Variants in NADSYN1 observed in about 807,000 individuals in gnomAD.
NADSYN1 encodes the protein glutamine-dependent NAD(+) synthetase.
NADSYN1 carries 80 observed loss-of-function variants against 99.3 expected under a neutral mutation model. The observed-to-expected ratio is 0.81, with a 90% CI of 0.67 to 0.97. The LOEUF (loss-of-function observed/expected upper bound fraction) is 0.97. Ranked by LOEUF, NADSYN1 falls within the 50% of genes least tolerant of loss-of-function variation. NADSYN1 has a pLI of 0.00. For synonymous variants in NADSYN1, 385 were observed against 372.1 expected (o/e 1.03, Z -0.40); for missense variants, 859 against 948.5 (o/e 0.91, Z 1.24).
intron 20 of NADSYN1, chr11:71,499,072 T>G (rs1427908619): frequency 6.5e-6 from 1 of 153,602 alleles, no homozygotes. Flanking sequence ...CTTATTTCCC[T>G]TTAAGATGTT....
At chr11:71,457,805 C>T (rs1412551674) in intron 2 of NADSYN1, among the ~76,000 whole-genome samples, 1 of 152,198 alleles carries the variant, frequency 6.6e-6, no homozygotes, top group African/African-American at 2.4e-5. Flanking sequence ...TCTCCTTTCT[C>T]TTACAAGGAC....
chr11:71,483,086 C>T (rs1949720161), intron 14 of NADSYN1, 69 bp downstream of exon 14: 2 of 1,576,104 alleles, frequency 1.3e-6, no homozygotes, highest in African/African-American at 2.7e-5. Context: ...GAAGCTCCGC[C>T]TGTGAGTGCA....
intron 5 of NADSYN1, among the ~76,000 whole-genome samples, chr11:71,465,769 AT>A (rs1478630904): frequency 6.6e-6 from 1 of 152,052 alleles, no homozygotes; most frequent in Non-Finnish European, 1.5e-5. Flanking sequence ...TTAATATTAT[AT>A]TTTTAAGTGG....
At chr11:71,481,065 C>G in intron 11 of NADSYN1, 186 bp downstream of exon 11, 1 of 799,002 alleles carries the variant, frequency 1.3e-6, no homozygotes, top group Non-Finnish European at 1.9e-6. Context: ...GTGTGACCCC[C>G]AGCCCTGCTG....
chr11:71,491,213 C>T (rs921884181), intron 17 of NADSYN1, among the ~76,000 whole-genome samples: 1 of 152,266 alleles, frequency 6.6e-6, no homozygotes, highest in Non-Finnish European at 1.5e-5. Context: ...CCCCCGCCTG[C>T]CCTGCCTCCC....
chr11:71,457,509 G>A (rs573041397), intron 2 of NADSYN1, among the ~76,000 whole-genome samples: 4 of 152,224 alleles, frequency 2.6e-5, no homozygotes, highest in Non-Finnish European at 4.4e-5. Context: ...CCCAGCCTTC[G>A]CATTTAATGA....
intron 3 of NADSYN1, among the ~76,000 whole-genome samples, chr11:71,462,181 A>G (rs967535818): frequency 2.0e-5 from 3 of 152,114 alleles, no homozygotes; most frequent in Non-Finnish European, 4.4e-5. Flanking sequence ...GACAGGCCTC[A>G]TTTACCCTCC....
intron 16 of NADSYN1, among the ~76,000 whole-genome samples, chr11:71,488,272 G>A (rs1353459251): frequency 6.6e-6 from 1 of 152,092 alleles, no homozygotes; most frequent in African/African-American, 2.4e-5. Flanking sequence ...CAGATAACAT[G>A]TGTATTGTAG....
intron 3 of NADSYN1, among the ~76,000 whole-genome samples, chr11:71,460,479 T>A (rs1444547083): frequency 6.6e-6 from 1 of 152,178 alleles, no homozygotes; most frequent in African/African-American, 2.4e-5. Context: ...GCCTCCTGAG[T>A]ACCCGGGACT....
Position 71,472,499 on chromosome 11 carries a change from A to AG in NADSYN1, c.459+1dup. The AG allele has an allele frequency of 1.2e-6, 2 of 1,613,596 alleles. No homozygotes were observed. Among genetic ancestry groups the AG allele is most frequent in the Non-Finnish European group, 1.7e-6 (2 of 1,179,476 alleles). On this transcript the variant is annotated frameshift_variant and splice_region_variant, in exon 6 of 21. Transcript: ENST00000319023. LOFTEE classifies it high-confidence loss of function. ...CGGATGATACAGGACCTGACAAAGCAGGTGAGTCCCTGGGTGTGGAGCCCG... is the reference window on the plus strand; with the variant it reads ...CGGATGATACAGGACCTGACAAAGCAGGGTGAGTCCCTGGGTGTGGAGCCCG...
chr11:71,480,445 A>AT (rs1388394844), intron 10 of NADSYN1, among the ~76,000 whole-genome samples: 4 of 152,146 alleles, frequency 2.6e-5, no homozygotes, highest in Admixed American at 2.6e-4. Flanking sequence ...AAGTGCTGGG[A>AT]TTACAGGTGT....
rs35588716 is a variant in NADSYN1, at chr11:71,458,537, G to A, written c.256G>A (p.Val86Met). Residue 86 changes from valine to methionine, a missense_variant, in exon 3 of 21, where the codon GTG becomes ATG. By Grantham distance (21) the Val-to-Met change is conservative. Coordinates refer to ENST00000319023, the MANE Select transcript of NADSYN1 (RefSeq NM_018161.5). ...CGTCACTCAGGACATCATCTGCGAC[G>A]TGGGGATGTAAGTGCCAGTGTGAGT... is the stretch of plus-strand genomic sequence containing the variant. ...SPVTQDIICD[V>M]GMPVMHRNVR... The A allele has an allele frequency of 7.8e-4, 1,256 of 1,605,170 alleles. 6 individuals are homozygous for A. In the African/African-American group the frequency reaches 0.015, roughly 19 times the overall value.
intron 2 of NADSYN1, among the ~76,000 whole-genome samples, chr11:71,455,648 A>G (rs556785501): frequency 1.3e-5 from 2 of 152,246 alleles, no homozygotes; most frequent in Admixed American, 1.3e-4. Flanking sequence ...ATGTGAGGAC[A>G]CAGAGAAGGA....
chr11:71,465,720 T>C (rs1208904304), intron 5 of NADSYN1, among the ~76,000 whole-genome samples: 4 of 152,218 alleles, frequency 2.6e-5, no homozygotes, highest in African/African-American at 9.7e-5. Context: ...TTATTACAGT[T>C]ATTTCTGTTT....
chr11:71,492,066 C>T (rs1203320856), intron 18 of NADSYN1, among the ~76,000 whole-genome samples, 163 bp downstream of exon 18: 1 of 152,146 alleles, frequency 6.6e-6, no homozygotes, highest in Non-Finnish European at 1.5e-5. Context: ...ACATCCCTGG[C>T]CTTTGACACT....
In NADSYN1 at chr11:71,492,720, C is replaced by T. The variant is rs115834134; in HGVS notation, c.1764+817C>T. Among the ~76,000 whole-genome samples, 1,230 of 152,216 alleles carry T rather than the reference C, an allele frequency of 8.1e-3. 16 individuals carry two copies. Among genetic ancestry groups the T allele is most frequent in the African/African-American group, 0.028 (1,177 of 41,530 alleles). On this transcript the variant is annotated intron_variant, in intron 18 of 20. Coordinates refer to ENST00000319023, the MANE Select transcript of NADSYN1 (RefSeq NM_018161.5). ...TGAACATCCATATGAATTTTGAGAT[C>T]AGCTTGTCAATCTCTGGAGAAAAAA...
chr11:71,472,691 T>G lies in NADSYN1; in HGVS notation c.459+191T>G, dbSNP rs2282618. Among the ~76,000 whole-genome samples, 7 of 152,234 alleles carry G rather than the reference T, an allele frequency of 4.6e-5. No individual in the cohort carries two copies. The East Asian group carries it at 1.4e-3, about 30-fold the overall frequency. On this transcript the variant is annotated intron_variant, in intron 6 of 20. Transcript: ENST00000319023. ...CTGCGTGGCCAGACAGCAGCCAGGG[T>G]GGCTCCTCCTTGCCTTGGGGCTGCT... is the stretch of plus-strand genomic sequence containing the variant.
Position 71,490,754 on chromosome 11 carries a change from G to A in NADSYN1, c.1563-91G>A, listed in dbSNP as rs1251450614. 9 of 1,540,674 alleles carry A rather than the reference G, an allele frequency of 5.8e-6. No homozygotes were observed. The East Asian group carries it at 1.1e-4, about 19-fold the overall frequency. ...GAATATGCCACACTTCTGGCTTCAG[G>A]GCCCCTGGAAGAAGCGACTCCCTGG... On this transcript the variant is annotated intron_variant, in intron 16 of 20. Coordinates refer to ENST00000319023, the MANE Select transcript of NADSYN1 (RefSeq NM_018161.5).
chr11:71,500,818 C>T (rs1033881805), intron 20 of NADSYN1, among the ~76,000 whole-genome samples: 11 of 152,304 alleles, frequency 7.2e-5, no homozygotes, highest in African/African-American at 2.4e-4. Context: ...GGCTGGATGC[C>T]AATCTGCTCT....
Sources: gnomAD v4.1 joint callset for allele counts (sites outside exome capture counted in the v4.1 genomes callset) on GRCh38, gnomAD v4.1.1 for gene constraint, MANE v1.5 for transcripts, NCBI Gene and HGNC (gene_info 2026-07-23, HGNC 2026-07-21) for gene names.